The following STAM variants were observed in gnomAD, a reference collection of about 807,000 sequenced individuals.
STAM encodes signal transducing adapter molecule 1.
STAM carries 16 observed loss-of-function variants against 63.4 expected under a neutral mutation model. That is an observed-to-expected ratio of 0.25 (90% CI 0.17 to 0.38). The LOEUF is 0.38. STAM is among the 10% of genes least tolerant of loss of function. The pLI is 1.00. For missense variants in STAM, 636 were observed against 657.1 expected, an observed-to-expected ratio of 0.97 and a Z score of 0.35; for synonymous variants, 238 against 223.9, an observed-to-expected ratio of 1.06 and a Z score of -0.56.
At chr10:17,711,458 C>A (rs1554830088) in intron 13 of STAM, among the ~76,000 whole-genome samples, 1 of 152,116 alleles carries the variant, frequency 6.6e-6, no homozygotes, top group Non-Finnish European at 1.5e-5. Context: ...AAGGTGCTTA[C>A]TGAGTAGTAG....
At chr10:17,693,116 A>G in intron 5 of STAM, 106 bp from the exon 6 acceptor site, 1 of 827,006 alleles carries the variant, frequency 1.2e-6, no homozygotes. Flanking sequence ...CTTCTTTCAG[A>G]AATCTGTGCT....
At chr10:17,701,974 A>T (rs1261343974) in intron 9 of STAM, among the ~76,000 whole-genome samples, 1 of 152,212 alleles carries the variant, frequency 6.6e-6, no homozygotes, top group Non-Finnish European at 1.5e-5. Flanking sequence ...ATCATTAAAA[A>T]TAATTTTTAA....
At chr10:17,705,467 A>G (rs1366209088) in intron 11 of STAM, 121 bp from the exon 12 acceptor site, 1 of 1,189,010 alleles carries the variant, frequency 8.4e-7, no homozygotes, top group Non-Finnish European at 1.1e-6. Context: ...TATAAGTGAA[A>G]TTTTTAATAA....
chr10:17,691,616 T>C (rs1325499069), intron 5 of STAM, among the ~76,000 whole-genome samples: 1 of 152,208 alleles, frequency 6.6e-6, no homozygotes, highest in Non-Finnish European at 1.5e-5. Context: ...TTGAATATTT[T>C]TCCTTTCATA....
chr10:17,679,520 T>A (rs1397422549), intron 2 of STAM, among the ~76,000 whole-genome samples: 1 of 152,102 alleles, frequency 6.6e-6, no homozygotes, highest in Non-Finnish European at 1.5e-5. Context: ...TGACTTTTCT[T>A]TATTGATGGT....
chr10:17,651,382 C>T (rs1415460142), intron 1 of STAM, among the ~76,000 whole-genome samples: 1 of 152,150 alleles, frequency 6.6e-6, no homozygotes, highest in Admixed American at 6.5e-5. Context: ...CGTTTTAGCT[C>T]CTTTTATAAT....
intron 1 of STAM, among the ~76,000 whole-genome samples, chr10:17,646,332 T>G (rs1456148894): frequency 6.6e-6 from 1 of 152,168 alleles, no homozygotes; most frequent in African/African-American, 2.4e-5. Flanking sequence ...ACTCATGATT[T>G]TAGAAGTCTC....
At chr10:17,713,875 T>C (rs1836676067) in intron 13 of STAM, among the ~76,000 whole-genome samples, 1 of 152,108 alleles carries the variant, frequency 6.6e-6, no homozygotes, top group East Asian at 1.9e-4. Context: ...ACAGTCCTTA[T>C]TGTGGCCATC....
In STAM at chr10:17,693,438, T is replaced by C; in HGVS notation, c.535+126T>C. The C allele has an allele frequency of 4.4e-6, 3 of 685,512 alleles. No individual in the cohort carries two copies. The South Asian group carries it at 7.3e-5, about 17-fold the overall frequency. 42.5% of individuals were successfully genotyped at this position (685,512 alleles called of 1,614,324 possible). On this transcript the variant is annotated intron_variant, in intron 6 of 13. Transcript: ENST00000377524. ...AAATCTGCTTTGTTGCCCTCCTCAG[T>C]ATTCTTTGCTTTACTCTTGAGAGGC...
chr10:17,676,007 A>T (rs540600764), intron 2 of STAM, among the ~76,000 whole-genome samples: 1 of 152,224 alleles, frequency 6.6e-6, no homozygotes, highest in Non-Finnish European at 1.5e-5. Context: ...CCATTAGATC[A>T]GAGAAGTGAC....
At chr10:17,650,393 TA>T (rs1181697115) in intron 1 of STAM, among the ~76,000 whole-genome samples, 1 of 152,242 alleles carries the variant, frequency 6.6e-6, no homozygotes, top group African/African-American at 2.4e-5. Context: ...CAGAGTTGAA[TA>T]GGCTTCAAAT....
At chr10:17,652,818 G>A (rs2131563711) in intron 1 of STAM, among the ~76,000 whole-genome samples, 1 of 152,274 alleles carries the variant, frequency 6.6e-6, no homozygotes, top group South Asian at 2.1e-4. Context: ...CTTTAGAGGG[G>A]TTGAGTACCT....
chr10:17,673,914 A>T (rs1554824363), intron 2 of STAM, among the ~76,000 whole-genome samples: 1 of 152,176 alleles, frequency 6.6e-6, no homozygotes, highest in Non-Finnish European at 1.5e-5. Flanking sequence ...TGATGTGGGG[A>T]GCTGTCAAGG....
At chr10:17,686,657 A>G (rs1157935109) in intron 4 of STAM, among the ~76,000 whole-genome samples, 2 of 152,194 alleles carry the variant, frequency 1.3e-5, no homozygotes, top group African/African-American at 4.8e-5. Flanking sequence ...GATTACAGGC[A>G]TGAGCCACCG....
chr10:17,673,103 A>G (rs1834706944), intron 2 of STAM: 1 of 919,752 alleles, frequency 1.1e-6, no homozygotes, highest in African/African-American at 1.8e-5. Flanking sequence ...CCTTTGGTAG[A>G]CTCTTCTAAG....
At chr10:17,709,164 A>G (rs1214695861) in intron 13 of STAM, among the ~76,000 whole-genome samples, 1 of 152,138 alleles carries the variant, frequency 6.6e-6, no homozygotes, top group Non-Finnish European at 1.5e-5. Flanking sequence ...AACTCATGTA[A>G]TCTGGTTTCA....
At chr10:17,673,979 G>A (rs1000772331) in intron 2 of STAM, among the ~76,000 whole-genome samples, 1 of 152,092 alleles carries the variant, frequency 6.6e-6, no homozygotes. Context: ...GGATGAGTAA[G>A]CGTTGACTAA....
At chr10:17,666,617 T>C (rs934327000) in intron 2 of STAM, among the ~76,000 whole-genome samples, 5 of 152,088 alleles carry the variant, frequency 3.3e-5, no homozygotes, top group Non-Finnish European at 1.5e-5. Flanking sequence ...CAGGATGGTC[T>C]CGATATCCTG....
chr10:17,664,600 A>G (rs550943988), intron 2 of STAM, among the ~76,000 whole-genome samples: 1 of 152,288 alleles, frequency 6.6e-6, no homozygotes, highest in South Asian at 2.1e-4. Context: ...GTAGGCTGCC[A>G]TTGAGGTATT....
Sources: gnomAD v4.1 joint callset for allele counts (sites outside exome capture counted in the v4.1 genomes callset) on GRCh38, gnomAD v4.1.1 for gene constraint, MANE v1.5 for transcripts, NCBI Gene and HGNC (gene_info 2026-07-23, HGNC 2026-07-21) for gene names.